The following PDE1A variants were observed in gnomAD, a reference collection of about 807,000 sequenced individuals.
The protein encoded by PDE1A is dual specificity calcium/calmodulin-dependent 3',5'-cyclic nucleotide phosphodiesterase 1A.
Under a neutral mutation model 61.7 loss-of-function variants are expected in PDE1A, and 35 were observed. That is an observed-to-expected ratio of 0.57 (90% confidence interval 0.43 to 0.75). PDE1A has a LOEUF of 0.75. Ranked by LOEUF, PDE1A falls within the 30% of genes least tolerant of loss-of-function variation. The pLI is 0.00. For synonymous variants in PDE1A, 232 were observed against 213.2 expected, an observed-to-expected ratio of 1.09 and a Z score of -0.77; for missense variants, 597 against 630.6, an observed-to-expected ratio of 0.95 and a Z score of 0.57.
the PDE1A span, among the ~76,000 whole-genome samples, chr2:182,614,164 T>A: frequency 6.6e-6 from 1 of 152,240 alleles, no homozygotes; most frequent in Middle Eastern, 3.2e-3. Flanking sequence ...AGAACCTACA[T>A]ACTTATTAAG....
At chr2:182,685,930 T>C in the PDE1A span, among the ~76,000 whole-genome samples, 1 of 152,230 alleles carries the variant, frequency 6.6e-6, no homozygotes, top group African/African-American at 2.4e-5. Context: ...ACAAAATCTA[T>C]TCTACTAGTC....
intron 2 of PDE1A, among the ~76,000 whole-genome samples, chr2:182,463,143 A>C (rs1249788404): frequency 3.3e-5 from 5 of 152,080 alleles, no homozygotes; most frequent in Non-Finnish European, 7.4e-5. Context: ...CGGGAGGCTG[A>C]GGCGAGAATC....
At chr2:182,497,802 G>A (rs6740226) in intron 2 of PDE1A, among the ~76,000 whole-genome samples, 62,242 of 151,724 alleles carry the variant, frequency 0.41, 13,408 homozygotes, top group East Asian at 0.74. Context: ...CAGCACTTTG[G>A]GAGGCCGAGG....
the PDE1A span, among the ~76,000 whole-genome samples, chr2:182,530,325 G>T: frequency 6.1e-4 from 16 of 26,438 alleles, no homozygotes; most frequent in East Asian, 0.36. Flanking sequence ...GATGCCAGAT[G>T]AAAAGATGCC....
At chr2:182,662,341 GAA>G in the PDE1A span, among the ~76,000 whole-genome samples, 2 of 137,976 alleles carry the variant, frequency 1.4e-5, no homozygotes, top group East Asian at 2.1e-4. Context: ...AAAAAAAAAA[GAA>G]AAAAAAAACA....
At chr2:182,679,498 G>T in the PDE1A span, among the ~76,000 whole-genome samples, 1 of 151,612 alleles carries the variant, frequency 6.6e-6, no homozygotes, top group Non-Finnish European at 1.5e-5. Context: ...ACCGCACCGG[G>T]CTCTAATTAC....
intron 2 of PDE1A, among the ~76,000 whole-genome samples, chr2:182,494,674 T>A (rs975799134): frequency 1.3e-5 from 2 of 152,090 alleles, no homozygotes; most frequent in Admixed American, 6.5e-5. Flanking sequence ...ACCAATGTAA[T>A]AATCAGAATT....
the PDE1A span, among the ~76,000 whole-genome samples, chr2:182,649,442 T>C: frequency 6.6e-6 from 1 of 151,796 alleles, no homozygotes; most frequent in Non-Finnish European, 1.5e-5. Context: ...AGGGGGCAGG[T>C]AAACCTTGTT....
At chr2:182,336,364 A>C (rs1221779647) in intron 1 of PDE1A, among the ~76,000 whole-genome samples, 1 of 152,212 alleles carries the variant, frequency 6.6e-6, no homozygotes, top group Non-Finnish European at 1.5e-5. Flanking sequence ...ATTTGGAAGC[A>C]ACCCAAATGC....
chr2:182,669,298 A>T, the PDE1A span, among the ~76,000 whole-genome samples: 1 of 152,180 alleles, frequency 6.6e-6, no homozygotes, highest in Non-Finnish European at 1.5e-5. Context: ...CTTTTAATAC[A>T]ATAGCCCAGT....
chr2:182,486,752 C>A (rs778340466), intron 2 of PDE1A, among the ~76,000 whole-genome samples: 4 of 152,084 alleles, frequency 2.6e-5, no homozygotes, highest in Admixed American at 6.6e-5. Flanking sequence ...ACTTTCGGCC[C>A]TTACCTCAAA....
At chr2:182,261,464 C>T (rs1050581030) in intron 2 of PDE1A, among the ~76,000 whole-genome samples, 21 of 151,994 alleles carry the variant, frequency 1.4e-4, no homozygotes, top group Non-Finnish European at 2.5e-4. Context: ...CAATTTAAAA[C>T]TCATGATGCC....
the PDE1A span, among the ~76,000 whole-genome samples, chr2:182,571,508 A>C: frequency 2.0e-5 from 3 of 152,130 alleles, no homozygotes; most frequent in African/African-American, 7.2e-5. Flanking sequence ...ATGAATTATA[A>C]GGAAGCTGAT....
chr2:182,416,270 G>A (rs1245222831), intron 1 of PDE1A, among the ~76,000 whole-genome samples: 4 of 152,118 alleles, frequency 2.6e-5, no homozygotes, highest in Non-Finnish European at 4.4e-5. Context: ...ATTTCAGGGC[G>A]ATGATTTTTT....
At chr2:182,701,201 AT>A in the PDE1A span, among the ~76,000 whole-genome samples, 105,699 of 151,136 alleles carry the variant, frequency 0.7, 37,372 homozygotes, top group African/African-American at 0.8. Context: ...CGCCCGGCTA[AT>A]TTTTTTGTAT....
At chr2:182,539,799 G>T in the PDE1A span, among the ~76,000 whole-genome samples, 1 of 152,174 alleles carries the variant, frequency 6.6e-6, no homozygotes, top group Non-Finnish European at 1.5e-5. Context: ...ATAAACACTT[G>T]TAAAAACACC....
At chr2:182,516,729 GA>G (rs1559534076) in intron 2 of PDE1A, among the ~76,000 whole-genome samples, 11 of 144,126 alleles carry the variant, frequency 7.6e-5, no homozygotes, top group African/African-American at 2.6e-4. Context: ...AGGAAGGAAG[GA>G]AGGAAGGAAG....
chr2:182,633,556 G>A, the PDE1A span, among the ~76,000 whole-genome samples: 1,257 of 152,232 alleles, frequency 8.3e-3, 20 homozygotes, highest in African/African-American at 0.028. Context: ...AAGGAGGAGC[G>A]TTGTTAATCT....
intron 2 of PDE1A, chr2:182,241,857 C>T: frequency 1.9e-6 from 3 of 1,546,060 alleles, no homozygotes; most frequent in East Asian, 2.3e-5. Flanking sequence ...TTTGATTTAC[C>T]CCTAAAACAC....
Sources: allele counts gnomAD v4.1 joint callset (sites outside exome capture counted in the v4.1 genomes callset), GRCh38; gene constraint gnomAD v4.1.1; transcripts MANE v1.5; gene names NCBI Gene and HGNC (gene_info 2026-07-23, HGNC 2026-07-21).